Variants in SUGCT observed in about 807,000 individuals in gnomAD.
SUGCT encodes the protein succinyl-CoA:glutarate CoA-transferase.
In SUGCT, 41 loss-of-function variants were observed where a neutral mutation model predicts 55.0. The ratio of observed to expected loss-of-function variants is 0.74; its 90% CI spans 0.58 to 0.97. SUGCT has a LOEUF of 0.97. Among genes scored for constraint, SUGCT ranks in the 50% least tolerant of loss-of-function variants. The pLI is 0.00. For synonymous variants in SUGCT, 187 were observed against 200.4 expected (o/e 0.93, Z 0.56); for missense variants, 568 against 547.8 (o/e 1.04, Z -0.37).
At chr7:40,307,718 G>C (rs1379768586) in intron 8 of SUGCT, among the ~76,000 whole-genome samples, 1 of 152,138 alleles carries the variant, frequency 6.6e-6, no homozygotes, top group South Asian at 2.1e-4. Context: ...TGGTGCAGAT[G>C]GGTAGAATAC....
chr7:40,231,734 T>G (rs1318398501), intron 6 of SUGCT, among the ~76,000 whole-genome samples: 1 of 152,218 alleles, frequency 6.6e-6, no homozygotes, highest in Non-Finnish European at 1.5e-5. Flanking sequence ...AGTGGAGGTT[T>G]ATTTTAAGTG....
At chr7:40,592,732 G>T (rs1797796181) in intron 12 of SUGCT, among the ~76,000 whole-genome samples, 1 of 152,052 alleles carries the variant, frequency 6.6e-6, no homozygotes, top group African/African-American at 2.4e-5. Flanking sequence ...GAGATATTTT[G>T]ATGTGTACCA....
At chr7:40,871,072 G>A in the SUGCT span, among the ~76,000 whole-genome samples, 1 of 152,126 alleles carries the variant, frequency 6.6e-6, no homozygotes, top group Non-Finnish European at 1.5e-5. Context: ...ACTAGAAAAT[G>A]GTATTTAGAA....
intron 9 of SUGCT, among the ~76,000 whole-genome samples, chr7:40,417,874 CTTTA>C (rs1166140951): frequency 7.0e-6 from 1 of 142,112 alleles, no homozygotes; most frequent in Non-Finnish European, 1.5e-5. Context: ...TTAGTTTTTG[CTTTA>C]TTTATTACAC....
chr7:40,837,800 G>A (rs1183437805), intron 13 of SUGCT, among the ~76,000 whole-genome samples: 1 of 152,110 alleles, frequency 6.6e-6, no homozygotes, highest in African/African-American at 2.4e-5. Context: ...TTTTAGTAAA[G>A]GTGGGGTTTC....
At chr7:40,674,829 T>C (rs778088880) in intron 12 of SUGCT, among the ~76,000 whole-genome samples, 4 of 152,154 alleles carry the variant, frequency 2.6e-5, no homozygotes, top group Admixed American at 6.5e-5. Flanking sequence ...TAAAGAACTA[T>C]AGAAAATCAA....
intron 7 of SUGCT, among the ~76,000 whole-genome samples, chr7:40,248,314 A>G (rs1790053566): frequency 6.6e-6 from 1 of 151,330 alleles, no homozygotes; most frequent in Non-Finnish European, 1.5e-5. Context: ...CCCGGCCTAT[A>G]GTTTTGATTC....
the SUGCT span, among the ~76,000 whole-genome samples, chr7:40,902,614 A>G: frequency 6.6e-6 from 1 of 151,294 alleles, no homozygotes; most frequent in Non-Finnish European, 1.5e-5. Flanking sequence ...AACCAAAACC[A>G]CAAAGAATTA....
At chr7:40,478,914 A>G (rs1790861738) in intron 11 of SUGCT, among the ~76,000 whole-genome samples, 1 of 152,242 alleles carries the variant, frequency 6.6e-6, no homozygotes, top group African/African-American at 2.4e-5. Flanking sequence ...GGAATTCCAC[A>G]TATATATGAG....
At position 40,551,139 on chromosome 7, in the gene SUGCT, T is replaced by G. The variant is rs182023521; in HGVS notation, c.1089+54753T>G. ...ATGCTCTTTGCCCAGCAGGTTCTCC[T>G]AGGACATCCTCCTCTTGGAACACTT... On this transcript the variant is annotated intron_variant, in intron 12 of 13. Transcript: ENST00000335693. 1.7e-3 allele frequency among the ~76,000 whole-genome samples: 258 copies of G among 152,306 alleles called. 1 individual carries two copies. The highest frequency in any genetic ancestry group is 6.1e-3 in the African/African-American group (252 of 41,580).
intron 13 of SUGCT, among the ~76,000 whole-genome samples, chr7:40,838,204 C>T (rs1793089043): frequency 6.6e-6 from 1 of 152,114 alleles, no homozygotes; most frequent in Admixed American, 6.5e-5. Context: ...CTACTTTACC[C>T]CTTTTTTCAA....
At chr7:40,389,632 AG>A (rs1785313175) in intron 9 of SUGCT, among the ~76,000 whole-genome samples, 1 of 152,238 alleles carries the variant, frequency 6.6e-6, no homozygotes, top group African/African-American at 2.4e-5. Flanking sequence ...CAAAGCAATA[AG>A]GTAAATATTA....
At chr7:41,031,203 T>C in the SUGCT span, among the ~76,000 whole-genome samples, 1 of 152,126 alleles carries the variant, frequency 6.6e-6, no homozygotes, top group African/African-American at 2.4e-5. Context: ...AAATCAAGAA[T>C]TCTCTGTCTT....
chr7:40,258,504 G>C (rs1790978139), intron 7 of SUGCT, among the ~76,000 whole-genome samples: 1 of 152,144 alleles, frequency 6.6e-6, no homozygotes. Flanking sequence ...TCAGCCTCCT[G>C]AGTAGCTGGG....
At position 40,672,306 on chromosome 7, in the gene SUGCT, T is replaced by A. The variant is rs77349007; in HGVS notation, c.1090-77128T>A. Among the ~76,000 whole-genome samples, 122 of 152,292 alleles carry A rather than the reference T, an allele frequency of 8.0e-4. 1 individual carries two copies. In the East Asian group the frequency reaches 0.022, roughly 27 times the overall value. ...GTAAAAGGAAAAATGGTGAATTGAA[T>A]TTCATCAAAATTAAGAACTTTCCTC... is the stretch of plus-strand genomic sequence containing the variant. On this transcript the variant is annotated intron_variant, in intron 12 of 13. Transcript: ENST00000335693.
chr7:41,018,650 G>T, the SUGCT span, among the ~76,000 whole-genome samples: 1 of 152,252 alleles, frequency 6.6e-6, no homozygotes, highest in South Asian at 2.1e-4. Flanking sequence ...CAAAGCATGG[G>T]ACTCCGTAAG....
intron 12 of SUGCT, among the ~76,000 whole-genome samples, chr7:40,641,083 C>T (rs1317906219): frequency 6.6e-6 from 1 of 152,196 alleles, no homozygotes; most frequent in African/African-American, 2.4e-5. Context: ...CCCTTCTTAA[C>T]CTTAAAGTCA....
At chr7:40,989,901 C>T in the SUGCT span, among the ~76,000 whole-genome samples, 3 of 152,204 alleles carry the variant, frequency 2.0e-5, no homozygotes, top group Admixed American at 6.5e-5. Context: ...CTACCACATC[C>T]GTGGTTACTT....
chr7:40,287,873 GTGT>G (rs1410522606), intron 8 of SUGCT, among the ~76,000 whole-genome samples: 7 of 152,178 alleles, frequency 4.6e-5, no homozygotes, highest in Non-Finnish European at 1.0e-4. Context: ...TCATGAAAGA[GTGT>G]TGAATTTTGG....
Sources: gnomAD v4.1 joint callset for allele counts (sites outside exome capture counted in the v4.1 genomes callset) on GRCh38, gnomAD v4.1.1 for gene constraint, MANE v1.5 for transcripts, NCBI Gene and HGNC (gene_info 2026-07-23, HGNC 2026-07-21) for gene names.